Variants in LEPR observed in about 807,000 individuals in gnomAD.
The protein encoded by LEPR is leptin receptor.
In LEPR, 56 loss-of-function variants were observed where a neutral mutation model predicts 114.7. The observed-to-expected ratio is 0.49, with a 90% confidence interval of 0.39 to 0.61. The LOEUF is 0.61. LEPR is among the 20% of genes least tolerant of loss of function. LEPR has a pLI of 0.00. For synonymous variants in LEPR, 443 were observed against 461.4 expected, an observed-to-expected ratio of 0.96 and a Z score of 0.51; for missense variants, 1,202 against 1,352.9, an observed-to-expected ratio of 0.89 and a Z score of 1.75.
At chr1:65,464,009 CT>C (rs1039979919) in intron 2 of LEPR, among the ~76,000 whole-genome samples, 104 of 152,180 alleles carry the variant, frequency 6.8e-4, no homozygotes, top group African/African-American at 2.3e-3. Context: ...AATTCAATAC[CT>C]TTTATTTCTT....
At chr1:65,422,629 C>T (rs1265526000) in intron 1 of LEPR, among the ~76,000 whole-genome samples, 3 of 152,200 alleles carry the variant, frequency 2.0e-5, no homozygotes, top group African/African-American at 7.2e-5. Flanking sequence ...ATGTGGCTTC[C>T]CTTGGCAAGG....
intron 2 of LEPR, among the ~76,000 whole-genome samples, chr1:65,429,601 G>A (rs1054563066): frequency 2.6e-5 from 4 of 152,102 alleles, no homozygotes; most frequent in African/African-American, 9.7e-5. Context: ...TGGCTCAGTG[G>A]TACAGAAAAC....
At chr1:65,542,869 G>C (rs1327315998) in intron 2 of LEPR, among the ~76,000 whole-genome samples, 1 of 151,932 alleles carries the variant, frequency 6.6e-6, no homozygotes, top group African/African-American at 2.4e-5. Context: ...ATCATTGATG[G>C]CCATTTGGGT....
At chr1:65,450,002 CTT>C (rs1284583097) in intron 2 of LEPR, among the ~76,000 whole-genome samples, 3 of 152,048 alleles carry the variant, frequency 2.0e-5, no homozygotes, top group African/African-American at 7.2e-5. Context: ...TGAGATTTCT[CTT>C]GTGACCCATG....
chr1:65,604,930 C>A, intron 10 of LEPR, 108 bp from the exon 11 acceptor site: 3 of 1,375,756 alleles, frequency 2.2e-6, no homozygotes, highest in South Asian at 1.3e-5. Flanking sequence ...GTCCCTGGTG[C>A]CAAAAAGGTT....
chr1:65,592,951 G>A (rs1325003567), intron 6 of LEPR, 86 bp downstream of exon 6: 3 of 1,442,922 alleles, frequency 2.1e-6, no homozygotes, highest in Non-Finnish European at 2.9e-6. Flanking sequence ...ATATTTGCTA[G>A]CTTATCTCAC....
chr1:65,530,728 C>T (rs1435809085), intron 2 of LEPR, among the ~76,000 whole-genome samples: 1 of 152,110 alleles, frequency 6.6e-6, no homozygotes, highest in African/African-American at 2.4e-5. Context: ...TCTTTATGAC[C>T]TGTATCTTGT....
At chr1:65,632,699 T>C (rs1410227360) in intron 19 of LEPR, among the ~76,000 whole-genome samples, 4 of 152,312 alleles carry the variant, frequency 2.6e-5, no homozygotes, top group African/African-American at 9.6e-5. Flanking sequence ...TAAAAACCCA[T>C]GGTAATGAAT....
Position 65,638,095 on chromosome 1 carries a change from T to G in LEPR, c.*1080T>G, listed in dbSNP as rs971335406. ...CTGGCACAGTGGTGCATGCCTGTAATCCCAGCACTTTGGGAGGCTGAGGCG... is the reference window on the plus strand; with the variant it reads ...CTGGCACAGTGGTGCATGCCTGTAAGCCCAGCACTTTGGGAGGCTGAGGCG... On this transcript the variant is annotated 3_prime_UTR_variant, in exon 20 of 20. Transcript: ENST00000349533. The G allele has an allele frequency of 3.3e-5, 5 of 152,206 alleles. No individual in the cohort carries two copies. Among genetic ancestry groups the G allele is most frequent in the Admixed American group, 2.0e-4 (3 of 15,282 alleles). 9.4% of individuals were successfully genotyped at this position (152,206 alleles called of 1,614,324 possible). A position where few individuals can be genotyped will look rare whatever the true frequency, so the allele number is the denominator to read the frequency against.
intron 2 of LEPR, among the ~76,000 whole-genome samples, chr1:65,478,929 C>T (rs1490068043): frequency 6.6e-6 from 1 of 152,122 alleles, no homozygotes; most frequent in Admixed American, 6.5e-5. Flanking sequence ...AAAATCACAC[C>T]CTACATTTGG....
At chr1:65,568,518 G>GTA (rs1378286192) in intron 3 of LEPR, among the ~76,000 whole-genome samples, 1 of 151,840 alleles carries the variant, frequency 6.6e-6, no homozygotes, top group Non-Finnish European at 1.5e-5. Context: ...GTGTGTGTGT[G>GTA]TGTGTGTGCA....
intron 2 of LEPR, among the ~76,000 whole-genome samples, chr1:65,465,266 C>T (rs1194300550): frequency 6.6e-6 from 1 of 152,112 alleles, no homozygotes; most frequent in East Asian, 1.9e-4. Flanking sequence ...TCATTTCTGC[C>T]TTTATTTTGT....
At chr1:65,468,142 C>T (rs1377589343) in intron 2 of LEPR, among the ~76,000 whole-genome samples, 3 of 152,140 alleles carry the variant, frequency 2.0e-5, no homozygotes, top group African/African-American at 7.2e-5. Context: ...GAGCTGCGGA[C>T]TGGAGCTGTT....
chr1:65,591,556 C>A (rs549525881), intron 5 of LEPR, among the ~76,000 whole-genome samples: 1 of 152,062 alleles, frequency 6.6e-6, no homozygotes, highest in South Asian at 2.1e-4. Flanking sequence ...TAAATTGATC[C>A]CTTTTTCATT....
At chr1:65,624,259 A>G (rs1296941643) in intron 19 of LEPR, among the ~76,000 whole-genome samples, 1 of 152,108 alleles carries the variant, frequency 6.6e-6, no homozygotes. Context: ...TAAGGTCTCA[A>G]CAAATATTAA....
chr1:65,626,018 C>T, intron 19 of LEPR: 2 of 959,680 alleles, frequency 2.1e-6, no homozygotes, highest in Non-Finnish European at 1.6e-6. Flanking sequence ...ACCTATGGAC[C>T]ACCATGAAGT....
chr1:65,539,968 C>T (rs902214959), intron 2 of LEPR, among the ~76,000 whole-genome samples: 10 of 152,208 alleles, frequency 6.6e-5, no homozygotes, highest in Non-Finnish European at 1.2e-4. Context: ...CACTGAGGTT[C>T]GGAGAGCTAC....
chr1:65,576,552 G>A (rs1301036262), intron 5 of LEPR: 1 of 153,590 alleles, frequency 6.5e-6, no homozygotes, highest in Non-Finnish European at 1.4e-5. Context: ...TGGGTTGCTG[G>A]GATTTGTCAT....
At chr1:65,532,377 C>A (rs908678182) in intron 2 of LEPR, among the ~76,000 whole-genome samples, 1 of 152,144 alleles carries the variant, frequency 6.6e-6, no homozygotes. Context: ...CGTGAGCCAT[C>A]TTCAAATGCT....
Sources: allele counts gnomAD v4.1 joint callset (sites outside exome capture counted in the v4.1 genomes callset), GRCh38; gene constraint gnomAD v4.1.1; transcripts MANE v1.5; gene names NCBI Gene and HGNC (gene_info 2026-07-23, HGNC 2026-07-21).